Variants in CYSLTR2 observed in about 807,000 individuals in gnomAD.
CYSLTR2 encodes the protein G-protein coupled receptor GPCR21.
For synonymous variants in CYSLTR2, 179 were observed against 160.8 expected, an observed-to-expected ratio of 1.11 and a Z score of -0.86; for missense variants, 398 against 411.9, an observed-to-expected ratio of 0.97 and a Z score of 0.29.
At chr13:48,698,875 G>A (rs1393315365) in intron 4 of CYSLTR2, among the ~76,000 whole-genome samples, 1 of 152,202 alleles carries the variant, frequency 6.6e-6, no homozygotes, top group Non-Finnish European at 1.5e-5. Context: ...TGCAATCCTA[G>A]TCTCTGATAA....
intron 1 of CYSLTR2, among the ~76,000 whole-genome samples, chr13:48,682,602 A>C (rs181477911): frequency 1.8e-4 from 28 of 152,310 alleles, no homozygotes; most frequent in African/African-American, 6.5e-4. Context: ...CAGTCAACTC[A>C]GAAATAGGTT....
chr13:48,667,096 C>T (rs562178044), intron 1 of CYSLTR2, among the ~76,000 whole-genome samples: 11 of 152,286 alleles, frequency 7.2e-5, no homozygotes, highest in African/African-American at 2.6e-4. Context: ...AGTATCAGTT[C>T]AGTGAGGTGA....
At chr13:48,696,930 A>T (rs772879797) in intron 4 of CYSLTR2, among the ~76,000 whole-genome samples, 1 of 152,146 alleles carries the variant, frequency 6.6e-6, no homozygotes, top group Non-Finnish European at 1.5e-5. Context: ...ACAGTCTGAG[A>T]TTGAACTGCA....
In CYSLTR2 at chr13:48,710,100, C is replaced by A. The variant is rs1001803760; in HGVS notation, c.*2242C>A. On this transcript the variant is annotated 3_prime_UTR_variant, in exon 5 of 5. Transcript: ENST00000682523. ...TATAACCACAGTACACTACATGGCTCAGCTGTGAATAATATTTACATAGAG... is the reference window on the plus strand; with the variant it reads ...TATAACCACAGTACACTACATGGCTAAGCTGTGAATAATATTTACATAGAG... 1 of 152,170 alleles carries A rather than the reference C, an allele frequency of 6.6e-6. No individual in the cohort carries two copies. Among genetic ancestry groups the A allele is most frequent in the African/African-American group, 2.4e-5 (1 of 41,428 alleles). 9.4% of individuals were successfully genotyped at this position (152,170 alleles called of 1,614,324 possible). A position where few individuals can be genotyped will look rare whatever the true frequency, so the allele number is the denominator to read the frequency against.
intron 1 of CYSLTR2, among the ~76,000 whole-genome samples, chr13:48,686,360 T>G (rs2138917062): frequency 6.6e-6 from 1 of 152,278 alleles, no homozygotes; most frequent in East Asian, 1.9e-4. Context: ...CATGGACTTC[T>G]TGCACACCAT....
At chr13:48,680,468 G>T (rs904907472) in intron 1 of CYSLTR2, among the ~76,000 whole-genome samples, 1 of 152,160 alleles carries the variant, frequency 6.6e-6, no homozygotes, top group Non-Finnish European at 1.5e-5. Context: ...AGCATGTTTC[G>T]TTTTCTTCCT....
chr13:48,664,140 A>C (rs770289385), intron 1 of CYSLTR2, among the ~76,000 whole-genome samples: 1 of 152,052 alleles, frequency 6.6e-6, no homozygotes, highest in Non-Finnish European at 1.5e-5. Context: ...TTATTTGCAT[A>C]TGTCGAACCA....
chr13:48,679,728 G>A (rs536937209), intron 1 of CYSLTR2, among the ~76,000 whole-genome samples: 1 of 152,178 alleles, frequency 6.6e-6, no homozygotes, highest in African/African-American at 2.4e-5. Flanking sequence ...TTGGATGAAG[G>A]AGCATCTGTG....
intron 4 of CYSLTR2, among the ~76,000 whole-genome samples, chr13:48,705,276 C>T (rs991614066): frequency 7.2e-5 from 11 of 152,156 alleles, no homozygotes; most frequent in African/African-American, 2.6e-4. Context: ...TGCATTTTTC[C>T]ATCCTTTTAC....
intron 3 of CYSLTR2, 26 bp downstream of exon 3, chr13:48,693,536 G>A (rs915837800): frequency 1.3e-5 from 2 of 151,576 alleles, no homozygotes; most frequent in African/African-American, 4.8e-5. Context: ...TGAAGACAGG[G>A]GAAAAGAGAG....
intron 4 of CYSLTR2, among the ~76,000 whole-genome samples, chr13:48,704,666 T>C (rs1954436954): frequency 6.6e-6 from 1 of 152,200 alleles, no homozygotes; most frequent in Admixed American, 6.5e-5. Flanking sequence ...CAGTTTAATA[T>C]ATTTTTTGTT....
chr13:48,680,158 ATTTG>A (rs1326442894), intron 1 of CYSLTR2, among the ~76,000 whole-genome samples: 2 of 152,096 alleles, frequency 1.3e-5, no homozygotes, highest in East Asian at 3.9e-4. Flanking sequence ...GCTATTCTGG[ATTTG>A]TTTGAGTCAA....
intron 4 of CYSLTR2, among the ~76,000 whole-genome samples, chr13:48,706,146 G>T (rs11617924): frequency 6.6e-6 from 1 of 151,770 alleles, no homozygotes; most frequent in East Asian, 1.9e-4. Context: ...ACAGGTGCCT[G>T]CCACTGGGCC....
chr13:48,695,646 A>G (rs887283998), intron 3 of CYSLTR2, among the ~76,000 whole-genome samples: 2 of 152,192 alleles, frequency 1.3e-5, no homozygotes, highest in Admixed American at 6.5e-5. Context: ...TAATTTTGTC[A>G]TTCAAGGATG....
intron 4 of CYSLTR2, among the ~76,000 whole-genome samples, chr13:48,705,655 T>C (rs1954462796): frequency 6.7e-6 from 1 of 149,450 alleles, no homozygotes; most frequent in Admixed American, 6.7e-5. Context: ...TATGATAGTC[T>C]ATTAGCATCA....
chr13:48,698,882 A>T (rs1032960858), intron 4 of CYSLTR2, among the ~76,000 whole-genome samples: 2 of 152,226 alleles, frequency 1.3e-5, no homozygotes, highest in African/African-American at 2.4e-5. Flanking sequence ...CTAGTCTCTG[A>T]TAAAGCAGAC....
chr13:48,692,781 A>G (rs973780392), intron 2 of CYSLTR2, among the ~76,000 whole-genome samples: 2 of 151,318 alleles, frequency 1.3e-5, no homozygotes, highest in Non-Finnish European at 3.0e-5. Context: ...TTGGTCTACT[A>G]GCATTTATTT....
At chr13:48,702,081 A>T (rs992771162) in intron 4 of CYSLTR2, among the ~76,000 whole-genome samples, 1 of 152,124 alleles carries the variant, frequency 6.6e-6, no homozygotes, top group African/African-American at 2.4e-5. Flanking sequence ...CTATGCAGCC[A>T]TAAAAAAGGA....
chr13:48,710,809 C>A lies in CYSLTR2; in HGVS notation c.*2951C>A, dbSNP rs1594041292. On this transcript the variant is annotated 3_prime_UTR_variant, in exon 5 of 5. Transcript: ENST00000682523. ...CAATTGACAGCAATCGGGTTTGGTACTATTTGGGTTTGGTGCTATTCGTAT... is the reference window on the plus strand; with the variant it reads ...CAATTGACAGCAATCGGGTTTGGTAATATTTGGGTTTGGTGCTATTCGTAT... 6.6e-6 allele frequency: 1 copy of A among 152,128 alleles called. No homozygotes were observed. Among genetic ancestry groups the A allele is most frequent in the Non-Finnish European group, 1.5e-5 (1 of 68,022 alleles). 9.4% of individuals were successfully genotyped at this position (152,128 alleles called of 1,614,324 possible).
Sources: allele counts gnomAD v4.1 joint callset (sites outside exome capture counted in the v4.1 genomes callset), GRCh38; gene constraint gnomAD v4.1.1; transcripts MANE v1.5; gene names NCBI Gene and HGNC (gene_info 2026-07-23, HGNC 2026-07-21).